FAM193A: variants seen among roughly 807,000 people sequenced by gnomAD.
The protein encoded by FAM193A is family with sequence similarity 193 member A.
Under a neutral mutation model 126.5 loss-of-function variants are expected in FAM193A, and 22 were observed. The ratio of observed to expected loss-of-function variants is 0.17; its 90% CI spans 0.12 to 0.25. The LOEUF is 0.25. Ranked by LOEUF, FAM193A falls within the 10% of genes least tolerant of loss-of-function variation. The pLI is 1.00. For missense variants in FAM193A, 1,675 were observed against 1,672.8 expected, an observed-to-expected ratio of 1.00 and a Z score of -0.02; for synonymous variants, 761 against 646.8, an observed-to-expected ratio of 1.18 and a Z score of -2.68.
At chr4:2,719,511 C>T (rs940079715) in intron 20 of FAM193A, among the ~76,000 whole-genome samples, 2 of 152,054 alleles carry the variant, frequency 1.3e-5, no homozygotes, top group Admixed American at 6.6e-5. Context: ...TTTGGGAGGC[C>T]CAGGCGGGCG....
At chr4:2,606,270 T>G (rs1227351229) in intron 2 of FAM193A, among the ~76,000 whole-genome samples, 2 of 152,000 alleles carry the variant, frequency 1.3e-5, no homozygotes, top group African/African-American at 4.8e-5. Flanking sequence ...CAGGCCGGTC[T>G]TGAAATACTG....
chr4:2,567,110 T>C (rs1739013260), intron 1 of FAM193A, among the ~76,000 whole-genome samples: 5 of 151,346 alleles, frequency 3.3e-5, no homozygotes, highest in Admixed American at 2.6e-4. Context: ...CGGCTCATTT[T>C]TTTTTTTTTT....
intron 5 of FAM193A, among the ~76,000 whole-genome samples, chr4:2,634,695 A>T (rs539689609): frequency 1.3e-5 from 2 of 152,368 alleles, no homozygotes; most frequent in African/African-American, 2.4e-5. Flanking sequence ...ACTGAAAAAT[A>T]CTAGTGTTCA....
At chr4:2,564,766 T>G (rs866727462) in intron 1 of FAM193A, among the ~76,000 whole-genome samples, 4 of 151,814 alleles carry the variant, frequency 2.6e-5, no homozygotes, top group African/African-American at 9.7e-5. Flanking sequence ...GGTGTGGGGG[T>G]TTGCTCTGGG....
chr4:2,538,965 A>G (rs1163822826), intron 1 of FAM193A, among the ~76,000 whole-genome samples: 3 of 151,956 alleles, frequency 2.0e-5, no homozygotes, highest in African/African-American at 7.3e-5. Context: ...ATCTTGGCGC[A>G]CCGTAACCTC....
rs1331260070 is a variant in FAM193A at position 2,536,732 on chromosome 4, C to T, written c.-184C>T. ...ACTGTGGACTCGCGGTTCCTCCCGC[C>T]CAGCGGCCTGCCCCGCAGCTCCCGC... On this transcript the variant is annotated 5_prime_UTR_variant, in exon 1 of 21. Coordinates refer to ENST00000637812, the MANE Select transcript of FAM193A (RefSeq NM_001366318.2). 1.3e-5 allele frequency: 2 copies of T among 151,226 alleles called. No individual in the cohort carries two copies. Among genetic ancestry groups the T allele is most frequent in the African/African-American group, 4.8e-5 (2 of 41,328 alleles). 9.4% of individuals were successfully genotyped at this position (151,226 alleles called of 1,614,324 possible). A position where few individuals can be genotyped will look rare whatever the true frequency, so the allele number is the denominator to read the frequency against.
rs759463274 is a variant in FAM193A at position 2,631,074 on chromosome 4, C to G, written c.943C>G (p.Pro315Ala). Reference protein sequence around the residue: ...KVKAPSGLQGPPQAHQFISLL... With the variant: ...KVKAPSGLQGAPQAHQFISLL... Reference sequence around the variant, plus strand: ...GAAGGCACCATCTGGCCTGCAGGGCCCGCCGCAAGCGCACCAGTTCATCTC... The same window carrying G: ...GAAGGCACCATCTGGCCTGCAGGGCGCGCCGCAAGCGCACCAGTTCATCTC... Residue 315 changes from proline (P) to alanine (A), a missense_variant, in exon 5 of 21, where the codon CCG (proline) becomes GCG (alanine). By Grantham distance (27) the Pro-to-Ala change is conservative. Around this residue, in one of 4 missense-constraint regions of FAM193A, gnomAD observed 1,186 missense variants for 1,109.2 expected, o/e 1.07. Transcript: ENST00000637812. 6 of 1,613,804 alleles carry G rather than the reference C, an allele frequency of 3.7e-6. No homozygotes were observed. Among genetic ancestry groups the G allele is most frequent in the Non-Finnish European group, 5.1e-6 (6 of 1,180,022 alleles).
chr4:2,553,398 T>C (rs1362056532), intron 1 of FAM193A, among the ~76,000 whole-genome samples: 1 of 148,694 alleles, frequency 6.7e-6, no homozygotes, highest in East Asian at 1.9e-4. Flanking sequence ...TTTTTTTTTT[T>C]TGAGGCGGAG....
intron 20 of FAM193A, among the ~76,000 whole-genome samples, chr4:2,717,190 G>T (rs1333947312): frequency 1.3e-5 from 2 of 152,034 alleles, no homozygotes; most frequent in African/African-American, 2.4e-5. Flanking sequence ...ATGTTGGCCA[G>T]GCAGGTCTCA....
intron 15 of FAM193A, 43 bp downstream of exon 15, chr4:2,691,013 G>T: frequency 6.4e-7 from 1 of 1,560,870 alleles, no homozygotes; most frequent in Non-Finnish European, 8.7e-7. Context: ...CTGCAGGAAG[G>T]CTGGGCTTAC....
At chr4:2,630,756 C>T (rs1156420806) in intron 4 of FAM193A, among the ~76,000 whole-genome samples, 179 bp from the exon 5 acceptor site, 2 of 152,186 alleles carry the variant, frequency 1.3e-5, no homozygotes, top group Admixed American at 6.5e-5. Context: ...CTCTGTGCCC[C>T]GGATTCCCCA....
chr4:2,565,413 C>A (rs970368470), intron 1 of FAM193A, among the ~76,000 whole-genome samples: 1 of 151,950 alleles, frequency 6.6e-6, no homozygotes, highest in African/African-American at 2.4e-5. Context: ...GCGTCCACCA[C>A]CACCCGGCTA....
intron 19 of FAM193A, among the ~76,000 whole-genome samples, chr4:2,710,035 C>T (rs534900415): frequency 6.6e-6 from 1 of 151,956 alleles, no homozygotes; most frequent in Non-Finnish European, 1.5e-5. Context: ...TGATTATTTT[C>T]GCCTGTCATT....
chr4:2,690,158 T>TTACTAGCTCC (rs1392766063), intron 14 of FAM193A, among the ~76,000 whole-genome samples: 1 of 152,178 alleles, frequency 6.6e-6, no homozygotes, highest in Non-Finnish European at 1.5e-5. Context: ...TCTCTCCCCT[T>TTACTAGCTCC]TACTAGCTCC....
chr4:2,625,515 G>T (rs149009698), intron 3 of FAM193A, 120 bp downstream of exon 3: 2 of 528,148 alleles, frequency 3.8e-6, no homozygotes, highest in Non-Finnish European at 6.8e-6. Context: ...TAAGGCAGTT[G>T]CTTCGCTATT....
chr4:2,715,984 T>C (rs1330917754), intron 19 of FAM193A, 39 bp from the exon 20 acceptor site: 1 of 1,076,386 alleles, frequency 9.3e-7, no homozygotes, highest in African/African-American at 1.5e-5. Flanking sequence ...GATAGCCTGC[T>C]GCTGTAATTT....
At chr4:2,625,850 G>A (rs928793236) in intron 3 of FAM193A, among the ~76,000 whole-genome samples, 14 of 151,052 alleles carry the variant, frequency 9.3e-5, no homozygotes, top group Non-Finnish European at 1.8e-4. Flanking sequence ...CCTCAGTCCC[G>A]GTATCTGGGA....
At chr4:2,687,693 CTCG>C (rs1715897451) in intron 13 of FAM193A, among the ~76,000 whole-genome samples, 3 of 152,362 alleles carry the variant, frequency 2.0e-5, no homozygotes. Context: ...GACTAACCTA[CTCG>C]TCCTCCTTCC....
chr4:2,655,719 C>A (rs959009790), intron 7 of FAM193A, among the ~76,000 whole-genome samples: 4 of 151,820 alleles, frequency 2.6e-5, no homozygotes, highest in African/African-American at 9.7e-5. Flanking sequence ...TCGCTTGAGC[C>A]CAGGAGTTTG....
Sources: gnomAD v4.1 joint callset for allele counts (sites outside exome capture counted in the v4.1 genomes callset) on GRCh38, gnomAD v4.1.1 for gene constraint, gnomAD v4.1.1 regional missense constraint, MANE v1.5 for transcripts, NCBI Gene and HGNC (gene_info 2026-07-23, HGNC 2026-07-21) for gene names.